The following KCNAB2 variants were observed in gnomAD, a reference collection of about 807,000 sequenced individuals.
KCNAB2 encodes voltage-gated potassium channel subunit beta-2.
In KCNAB2, 29 loss-of-function variants were observed where a neutral mutation model predicts 63.6. The observed-to-expected ratio is 0.46, with a 90% confidence interval of 0.34 to 0.62. KCNAB2 has a LOEUF of 0.62. Ranked by LOEUF, KCNAB2 falls within the 20% of genes least tolerant of loss-of-function variation. KCNAB2 has a pLI of 0.01. For missense variants in KCNAB2, 359 were observed against 563.9 expected, an observed-to-expected ratio of 0.64 and a Z score of 3.68; for synonymous variants, 222 against 224.2, an observed-to-expected ratio of 0.99 and a Z score of 0.09.
rs1043962672 is a variant in KCNAB2, at chr1:6,099,998, C to T, written c.*1424C>T. 37 of 1,542,682 alleles carry T rather than the reference C, an allele frequency of 2.4e-5. No individual in the cohort carries two copies. The highest frequency in any genetic ancestry group is 4.0e-5 in the Admixed American group (2 of 49,886). ...GCGGGGCAGGGCTCCACTGAAGCCA[C>T]CCCCACCCCTCGCCAGCTAGCTCCA... On this transcript the variant is annotated 3_prime_UTR_variant, in exon 16 of 16. Coordinates refer to ENST00000378083, the MANE Select transcript of KCNAB2 (RefSeq NM_001199862.2).
chr1:6,012,089 T>G (rs1570854696), intron 1 of KCNAB2, among the ~76,000 whole-genome samples: 2 of 106,242 alleles, frequency 1.9e-5, no homozygotes, highest in East Asian at 2.7e-4. Flanking sequence ...AAGGTGGAGG[T>G]GATGAAAGTA....
chr1:6,035,416 T>C lies in KCNAB2; in HGVS notation c.-53+622T>C, dbSNP rs1439416397. On this transcript the variant is annotated intron_variant, in intron 1 of 15. Transcript: ENST00000164247. The surrounding 1 kb of genome is among the most constrained non-coding windows in gnomAD (Gnocchi z 5.0). Reference sequence around the variant, plus strand: ...TAGAGTCTGCCGGCGGGGGTGGAGGTGGGCGCAGGGAATGCTGTGAGGAGC... The same window carrying C: ...TAGAGTCTGCCGGCGGGGGTGGAGGCGGGCGCAGGGAATGCTGTGAGGAGC... Among the ~76,000 whole-genome samples the C allele has an allele frequency of 6.6e-6, 1 of 150,976 alleles. No individual in the cohort carries two copies. Among genetic ancestry groups the C allele is most frequent in the Non-Finnish European group, 1.5e-5 (1 of 67,724 alleles).
At chr1:6,058,651 A>G (rs1199448126) in intron 2 of KCNAB2, among the ~76,000 whole-genome samples, 1 of 152,188 alleles carries the variant, frequency 6.6e-6, no homozygotes, top group African/African-American at 2.4e-5. Flanking sequence ...TCCCCTGTCT[A>G]TCCATCTTGG....
At position 6,086,603 on chromosome 1, in the gene KCNAB2, C is replaced by T. The variant is rs1047135244; in HGVS notation, c.426-864C>T. On this transcript the variant is annotated intron_variant, in intron 6 of 15. Transcript: ENST00000378083. This position sits in a 1 kb window ranked among gnomAD's most constrained non-coding sequence, Gnocchi z 4.2. ...GTCACCCCCTGGGTGGGAAGTACTC[C>T]CTCCTCTGGGAGGGGTCAAGGTCAA... 4.6e-5 allele frequency among the ~76,000 whole-genome samples: 7 copies of T among 152,154 alleles called. No homozygotes were observed. The highest frequency in any genetic ancestry group is 9.7e-5 in the African/African-American group (4 of 41,444).
chr1:6,096,360 C>T lies in KCNAB2; in HGVS notation c.949-276C>T. The T allele has an allele frequency of 7.6e-6, 4 of 525,480 alleles. No individual in the cohort carries two copies. The highest frequency in any genetic ancestry group is 1.4e-5 in the Non-Finnish European group (4 of 289,524). The allele number at this position is 525,480 out of a possible 1,614,324, so 32.6% of individuals were successfully genotyped here. ...TAAGAGAAGGAAGGCCAGCACCTCG[C>T]CTCCTTGTCCTGACTTGGGGTTGGG... On this transcript the variant is annotated intron_variant, in intron 13 of 15. Transcript: ENST00000378083. The surrounding 1 kb of genome is among the most constrained non-coding windows in gnomAD (Gnocchi z 5.9).
At chr1:6,041,712 G>C (rs568252843), upstream of KCNAB2, 680 of 853,590 alleles carry the variant, frequency 8.0e-4, 2 homozygotes, top group Non-Finnish European at 1.2e-3. Flanking sequence ...GTGGGGGCCC[G>C]GGGGCATGGG....
rs1179628257 is a variant in KCNAB2 at position 6,038,165 on chromosome 1, C to T, written c.-52-2352C>T. Among the ~76,000 whole-genome samples the T allele has an allele frequency of 6.6e-5, 10 of 152,080 alleles. 1 individual carries two copies. Among genetic ancestry groups the T allele is most frequent in the Non-Finnish European group, 1.3e-4 (9 of 67,978 alleles). ...GTTCTGGGATTACAGGTGTGATCCACCATGCCTGGCCCAAATGAGGGTCTT... is the reference window on the plus strand; with the variant it reads ...GTTCTGGGATTACAGGTGTGATCCATCATGCCTGGCCCAAATGAGGGTCTT... On this transcript the variant is annotated intron_variant, in intron 1 of 15. Coordinates refer to the KCNAB2 transcript ENST00000164247.
chr1:6,015,568 C>T (rs755858593), intron 1 of KCNAB2, among the ~76,000 whole-genome samples: 2 of 152,260 alleles, frequency 1.3e-5, no homozygotes, highest in African/African-American at 2.4e-5. Flanking sequence ...CCTGCCATAG[C>T]TGCGTAAGCA....
At chr1:6,058,677 C>T (rs1407348298) in intron 2 of KCNAB2, among the ~76,000 whole-genome samples, 1 of 152,222 alleles carries the variant, frequency 6.6e-6, no homozygotes, top group East Asian at 1.9e-4. Context: ...CACTCGTGCA[C>T]CTAGTCTCAC....
Position 6,073,842 on chromosome 1 carries a change from G to T in KCNAB2, c.300+72G>T. The T allele has an allele frequency of 2.0e-6, 3 of 1,486,318 alleles. No homozygotes were observed. Among genetic ancestry groups the T allele is most frequent in the Non-Finnish European group, 2.8e-6 (3 of 1,065,430 alleles). 92.1% of individuals were successfully genotyped at this position (1,486,318 alleles called of 1,614,324 possible). On this transcript the variant is annotated intron_variant, in intron 4 of 15. Transcript: ENST00000378083. The surrounding 1 kb of genome is among the most constrained non-coding windows in gnomAD (Gnocchi z 5.7). ...CAGAGCACATGGTTAAGTCTGCCGC[G>T]TGGACCAGTGAGCACGTGCTCCCGG...
At chr1:6,043,096 A>G (rs1329614592), upstream of KCNAB2, among the ~76,000 whole-genome samples, 1 of 152,174 alleles carries the variant, frequency 6.6e-6, no homozygotes, top group African/African-American at 2.4e-5. Context: ...GTATGTACAC[A>G]TGGTATAACA....
chr1:6,025,833 CCACCCCA>C (rs1659112798), intron 1 of KCNAB2, among the ~76,000 whole-genome samples: 1 of 151,994 alleles, frequency 6.6e-6, no homozygotes, highest in African/African-American at 2.4e-5. Flanking sequence ...GGTGGGCAGC[CCACCCCA>C]GCACACAGCC....
rs952381393 is a variant in KCNAB2, at chr1:6,074,448, A to G, written c.300+678A>G. ...TGGACAGTGAGGCAGCATCTCAGAA[A>G]TGAGAGCAGTGGCATTTGCTCAGAC... On this transcript the variant is annotated intron_variant, in intron 4 of 15. Transcript: ENST00000378083. This position sits in a 1 kb window ranked among gnomAD's most constrained non-coding sequence, Gnocchi z 4.9. Among the ~76,000 whole-genome samples the G allele has an allele frequency of 1.3e-5, 2 of 152,224 alleles. No individual in the cohort carries two copies. The highest frequency in any genetic ancestry group is 4.8e-5 in the African/African-American group (2 of 41,446).
At chr1:6,063,559 G>A (rs1302693042) in intron 2 of KCNAB2, among the ~76,000 whole-genome samples, 1 of 151,912 alleles carries the variant, frequency 6.6e-6, no homozygotes, top group Non-Finnish European at 1.5e-5. Context: ...ACAGGTGTGT[G>A]CCACCACAGC....
At chr1:6,041,308 A>G (rs1476383487), upstream of KCNAB2, 1 of 168,492 alleles carries the variant, frequency 5.9e-6, no homozygotes, top group Non-Finnish European at 1.3e-5. Context: ...CCAGCAGCCC[A>G]TCAGTCTTGG....
intron 2 of KCNAB2, among the ~76,000 whole-genome samples, chr1:6,068,055 C>T (rs1414235293): frequency 6.6e-6 from 1 of 152,126 alleles, no homozygotes; most frequent in Non-Finnish European, 1.5e-5. Flanking sequence ...TAGGAGTAAA[C>T]CGAACATGTA....
intron 2 of KCNAB2, among the ~76,000 whole-genome samples, chr1:6,062,490 T>G (rs943045148): frequency 6.6e-6 from 1 of 152,192 alleles, no homozygotes; most frequent in African/African-American, 2.4e-5. Context: ...GGTCCATTGA[T>G]CCAATATTTA....
chr1:6,078,947 A>G lies in KCNAB2; in HGVS notation c.301-3248A>G, dbSNP rs1663948133. Among the ~76,000 whole-genome samples the G allele has an allele frequency of 6.6e-6, 1 of 152,000 alleles. No homozygotes were observed. Among genetic ancestry groups the G allele is most frequent in the African/African-American group, 2.4e-5 (1 of 41,390 alleles). On this transcript the variant is annotated intron_variant, in intron 4 of 15. Coordinates refer to ENST00000378083, the MANE Select transcript of KCNAB2 (RefSeq NM_001199862.2). The surrounding 1 kb of genome is among the most constrained non-coding windows in gnomAD (Gnocchi z 4.2). ...GAGAGCTAGGAGGCTATTGTGAGAAACCACCCAAGAGCCGCTGGAGGCTCA... is the reference window on the plus strand; with the variant it reads ...GAGAGCTAGGAGGCTATTGTGAGAAGCCACCCAAGAGCCGCTGGAGGCTCA...
upstream of KCNAB2, among the ~76,000 whole-genome samples, chr1:6,031,512 C>T (rs1389057444): frequency 6.6e-6 from 1 of 152,196 alleles, no homozygotes; most frequent in African/African-American, 2.4e-5. The surrounding 1 kb of genome is among the most constrained non-coding windows in gnomAD (Gnocchi z 4.1). Flanking sequence ...GAGTTTTGCT[C>T]CATTTATCCA....
Sources: allele counts gnomAD v4.1 joint callset (sites outside exome capture counted in the v4.1 genomes callset), GRCh38; gene constraint gnomAD v4.1.1; non-coding constraint Gnocchi (gnomAD v3.1); transcripts MANE v1.5; gene names NCBI Gene and HGNC (gene_info 2026-07-23, HGNC 2026-07-21).